Variants in DHX36 observed in about 807,000 individuals in gnomAD.
DHX36 encodes ATP-dependent DNA/RNA helicase DHX36.
A neutral mutation model predicts 139.0 loss-of-function variants in DHX36; 50 were observed. The observed-to-expected ratio is 0.36, with a 90% CI of 0.29 to 0.46. The LOEUF (loss-of-function observed/expected upper bound fraction) is 0.46. Ranked by LOEUF, DHX36 falls within the 20% of genes least tolerant of loss-of-function variation. The pLI is 1.00. For missense variants in DHX36, 1,024 were observed against 1,211.3 expected, an observed-to-expected ratio of 0.85 and a Z score of 2.29; for synonymous variants, 425 against 401.9, an observed-to-expected ratio of 1.06 and a Z score of -0.69.
At chr3:154,314,807 T>G in intron 3 of DHX36, 1 of 356,006 alleles carries the variant, frequency 2.8e-6, no homozygotes, top group Non-Finnish European at 5.0e-6. Flanking sequence ...GGCACTAGCA[T>G]TTCTCAAACA....
At chr3:154,321,099 C>CA (rs1477448472) in intron 1 of DHX36, among the ~76,000 whole-genome samples, 13 of 151,848 alleles carry the variant, frequency 8.6e-5, no homozygotes, top group Non-Finnish European at 7.4e-5. Flanking sequence ...AGTTCAAAAG[C>CA]AAAAAAACCT....
rs535847166 is a variant in DHX36, at chr3:154,273,869, G to A, written c.*2302C>T. The A allele has an allele frequency of 1.3e-5, 2 of 152,268 alleles. No homozygotes were observed. The highest frequency in any genetic ancestry group is 3.9e-4 in the East Asian group (2 of 5,186). 9.4% of individuals were successfully genotyped at this position (152,268 alleles called of 1,614,324 possible). A position where few individuals can be genotyped will look rare whatever the true frequency, so the allele number is the denominator to read the frequency against. On this transcript the variant is annotated 3_prime_UTR_variant, in exon 25 of 25. Coordinates refer to ENST00000496811, the MANE Select transcript of DHX36 (RefSeq NM_020865.3). ...TGGAGTGCAGCAAGATGCTTTTCCT[G>A]TTTCTTTCTGCAGCATGTCCAGCAC...
chr3:154,277,618 G>A lies in DHX36; in HGVS notation c.2668C>T (p.Leu890=). The change falls in exon 23 of 25, where the codon CTA becomes TTA. Residue 890 remains leucine, a synonymous_variant. Coordinates refer to ENST00000496811, the MANE Select transcript of DHX36 (RefSeq NM_020865.3). The stretch of plus-strand genomic sequence containing the variant: ...CTTACACTGCTTGTTCTCATCTTTA[G>A]GTGATAGATAAGCCAGTTGTAGTGA... The part of the protein sequence containing the change: ...DFHYNWLIYH[L]KMRTSSIYLY... 3.1e-6 allele frequency: 5 copies of A among 1,611,218 alleles called. No homozygotes were observed. The highest frequency in any genetic ancestry group is 4.2e-6 in the Non-Finnish European group (5 of 1,178,212).
chr3:154,291,447 T>G (rs1226282220), intron 15 of DHX36, among the ~76,000 whole-genome samples: 1 of 152,196 alleles, frequency 6.6e-6, no homozygotes, highest in African/African-American at 2.4e-5. Context: ...AATCAATATT[T>G]AGAGGTGATG....
intron 9 of DHX36, 46 bp downstream of exon 9, chr3:154,303,283 T>C (rs1467168936): frequency 5.3e-6 from 7 of 1,319,802 alleles, no homozygotes; most frequent in Non-Finnish European, 7.4e-6. Context: ...AGAAAAGTGA[T>C]ATATTAGTAC....
Position 154,274,420 on chromosome 3 carries a change from A to C in DHX36, c.*1751T>G, listed in dbSNP as rs1329103380. On this transcript the variant is annotated 3_prime_UTR_variant, in exon 25 of 25. Coordinates refer to ENST00000496811, the MANE Select transcript of DHX36 (RefSeq NM_020865.3). ...GTTTTTATTATATCAACATAAGTCCACATGTAAAGCAGCTCTAGAATGGGT... is the reference window on the plus strand; with the variant it reads ...GTTTTTATTATATCAACATAAGTCCCCATGTAAAGCAGCTCTAGAATGGGT... The C allele has an allele frequency of 1.3e-5, 2 of 156,832 alleles. No homozygotes were observed. The highest frequency in any genetic ancestry group is 4.8e-5 in the African/African-American group (2 of 41,500). The allele number at this position is 156,832 out of a possible 1,614,324, so 9.7% of individuals were successfully genotyped here.
At chr3:154,276,388 A>G in intron 24 of DHX36, 32 bp from the exon 25 acceptor site, 1 of 1,573,406 alleles carries the variant, frequency 6.4e-7, no homozygotes, top group Non-Finnish European at 8.7e-7. Context: ...ATGTTCAACA[A>G]AGGCAGATAT....
At chr3:154,323,593 T>A (rs1269956247) in intron 1 of DHX36, among the ~76,000 whole-genome samples, 1 of 152,124 alleles carries the variant, frequency 6.6e-6, no homozygotes, top group South Asian at 2.1e-4. Context: ...ATTCCTTTCA[T>A]TTTCCTTTTC....
chr3:154,281,130 C>T (rs1719321294), intron 20 of DHX36, among the ~76,000 whole-genome samples: 1 of 152,016 alleles, frequency 6.6e-6, no homozygotes, highest in Admixed American at 6.5e-5. Context: ...GATCTTATGG[C>T]CTGTAAGCCT....
chr3:154,276,835 G>C lies in DHX36; in HGVS notation c.2753C>G (p.Ser918Cys). Residue 918 changes from serine (S) to cysteine (C), a missense_variant, in exon 24 of 25, where the codon TCC becomes TGC. This residue lies in a region of DHX36 where 470 missense variants were observed against 616.2 expected (regional missense o/e 0.76). Transcript: ENST00000496811. Reference sequence around the variant, plus strand: ...TTCCTGATCGTTATCCTTCTGGATGGAAATGTCACCTCCAAAAAACAAGAG... The same window carrying C: ...TTCCTGATCGTTATCCTTCTGGATGCAAATGTCACCTCCAAAAAACAAGAG... ...YCLLFFGGDI[S>C]IQKDNDQETI... The C allele has an allele frequency of 1.2e-6, 2 of 1,613,826 alleles. No homozygotes were observed. Among genetic ancestry groups the C allele is most frequent in the Non-Finnish European group, 1.7e-6 (2 of 1,179,854 alleles).
At chr3:154,289,859 G>C (rs1263669467) in intron 15 of DHX36, 33 bp from the exon 16 acceptor site, 1 of 1,349,406 alleles carries the variant, frequency 7.4e-7, no homozygotes, top group Non-Finnish European at 1.0e-6. Context: ...ATGAAACAAA[G>C]AGGGACAGTC....
chr3:154,290,219 T>C (rs1173280374), intron 15 of DHX36, among the ~76,000 whole-genome samples: 2 of 152,242 alleles, frequency 1.3e-5, no homozygotes, highest in African/African-American at 4.8e-5. Flanking sequence ...TGCTAACCTG[T>C]CTATATTACT....
chr3:154,277,475 T>C, intron 23 of DHX36, 123 bp downstream of exon 23: 2 of 838,518 alleles, frequency 2.4e-6, no homozygotes. Context: ...AAAAAGTTAC[T>C]CACGTCACAG....
At chr3:154,314,405 A>G (rs1372138526) in intron 3 of DHX36, among the ~76,000 whole-genome samples, 1 of 152,182 alleles carries the variant, frequency 6.6e-6, no homozygotes, top group East Asian at 1.9e-4. Flanking sequence ...AGCAGTATGT[A>G]TTTACATATT....
At chr3:154,323,985 C>G (rs1168291862) in intron 1 of DHX36, among the ~76,000 whole-genome samples, 189 bp downstream of exon 1, 6 of 152,218 alleles carry the variant, frequency 3.9e-5, no homozygotes, top group Non-Finnish European at 8.8e-5. Context: ...TGTTTTTGGT[C>G]AGATGAGCAT....
intron 4 of DHX36, among the ~76,000 whole-genome samples, chr3:154,310,450 T>C (rs116234825): frequency 0.01 from 1,592 of 152,068 alleles, 15 homozygotes; most frequent in Non-Finnish European, 0.016. Flanking sequence ...GTTATTTTCA[T>C]GTATAAAACA....
intron 20 of DHX36, 33 bp from the exon 21 acceptor site, chr3:154,280,895 T>C (rs755988740): frequency 6.7e-7 from 1 of 1,497,952 alleles, no homozygotes; most frequent in Non-Finnish European, 9.3e-7. Flanking sequence ...AGAACTAGAA[T>C]ACCTTTCACA....
At position 154,276,348 on chromosome 3, in the gene DHX36, T is replaced by C; in HGVS notation, c.2850A>G (p.Arg950=). Residue 950 remains arginine (R), a synonymous_variant, in exon 25 of 25, where the codon AGA becomes AGG. Transcript: ENST00000496811. ...ARIAHLVKEL[R]KELDILLQEK... ...CTTGCAGAAGAATATCTAGTTCCTT[T>C]CTTAATTCCTAAGGTTGGAAAAATT... 6.2e-7 allele frequency: 1 copy of C among 1,610,168 alleles called. No homozygotes were observed. Among genetic ancestry groups the C allele is most frequent in the Non-Finnish European group, 8.5e-7 (1 of 1,179,200 alleles).
chr3:154,298,907 C>T (rs1024804401), intron 12 of DHX36, among the ~76,000 whole-genome samples: 2 of 151,984 alleles, frequency 1.3e-5, no homozygotes, highest in African/African-American at 4.8e-5. Flanking sequence ...GAGTGAGATG[C>T]TGTTTCAAAA....
Sources: allele counts gnomAD v4.1 joint callset (sites outside exome capture counted in the v4.1 genomes callset), GRCh38; gene constraint gnomAD v4.1.1; regional missense constraint gnomAD v4.1.1; transcripts MANE v1.5; gene names NCBI Gene and HGNC (gene_info 2026-07-23, HGNC 2026-07-21).